The following TRIP12 variants were observed in gnomAD, a reference collection of about 807,000 sequenced individuals.
The protein encoded by TRIP12 is E3 ubiquitin-protein ligase TRIP12.
Under a neutral mutation model 244.2 loss-of-function variants are expected in TRIP12, and 25 were observed. The observed-to-expected ratio is 0.10, with a 90% CI of 0.07 to 0.14. The LOEUF is 0.14. TRIP12 is among the 10% of genes least tolerant of loss of function. The probability of loss-of-function intolerance (pLI) is 1.00; values close to 1 mark genes in which losing one functional copy is unlikely to be tolerated. For synonymous variants in TRIP12, 905 were observed against 873.1 expected (o/e 1.04, Z -0.64); for missense variants, 1,677 against 2,486.4 (o/e 0.67, Z 6.92).
intron 4 of TRIP12, among the ~76,000 whole-genome samples, chr2:229,849,368 T>C (rs964602149): frequency 9.9e-5 from 15 of 152,064 alleles, no homozygotes; most frequent in African/African-American, 3.6e-4. Flanking sequence ...AGTATGTGTT[T>C]GGTAGGTGAA....
chr2:229,844,249 TCATTA>T (rs1384663018), intron 4 of TRIP12, among the ~76,000 whole-genome samples: 3 of 152,206 alleles, frequency 2.0e-5, no homozygotes, highest in African/African-American at 7.2e-5. Flanking sequence ...AATGTACTTC[TCATTA>T]CATTAGACTA....
intron 24 of TRIP12, among the ~76,000 whole-genome samples, chr2:229,797,379 T>C (rs759302304): frequency 6.6e-6 from 1 of 152,156 alleles, no homozygotes; most frequent in Non-Finnish European, 1.5e-5. Flanking sequence ...TCTATACCTA[T>C]AGTTGAGGAT....
intron 1 of TRIP12, among the ~76,000 whole-genome samples, chr2:229,883,334 G>C (rs1452980518): frequency 5.9e-5 from 9 of 152,196 alleles, no homozygotes; most frequent in Admixed American, 5.9e-4. Flanking sequence ...ATGAATTACA[G>C]AATGTTTTCC....
At chr2:229,853,697 T>C (rs542412547) in intron 4 of TRIP12, among the ~76,000 whole-genome samples, 1 of 152,006 alleles carries the variant, frequency 6.6e-6, no homozygotes, top group African/African-American at 2.4e-5. Context: ...CATACATACA[T>C]ACATACATGA....
At position 229,893,850 on chromosome 2, in the gene TRIP12, G is replaced by A. The variant is rs568599390; in HGVS notation, c.-49-13722C>T. 5.3e-5 allele frequency among the ~76,000 whole-genome samples: 8 copies of A among 152,334 alleles called. No individual in the cohort carries two copies. The South Asian group carries it at 1.7e-3, about 32-fold the overall frequency. Reference sequence around the variant, plus strand: ...CTCCTGAGTAGCTGTGAGTATAGGTGTGTGCCGCCATGCCTGGCTTTCCTT... The same window carrying A: ...CTCCTGAGTAGCTGTGAGTATAGGTATGTGCCGCCATGCCTGGCTTTCCTT... On this transcript the variant is annotated intron_variant, in intron 1 of 41. Coordinates refer to ENST00000675903, the MANE Select transcript of TRIP12 (RefSeq NM_001348323.3).
At chr2:229,815,361 G>A in intron 9 of TRIP12, 53 bp from the exon 10 acceptor site, 1 of 1,079,090 alleles carries the variant, frequency 9.3e-7, no homozygotes, top group Non-Finnish European at 1.3e-6. Flanking sequence ...GAAAATCCTA[G>A]AGGTATTTCT....
chr2:229,800,035 C>A (rs751260847), intron 21 of TRIP12, among the ~76,000 whole-genome samples: 1 of 152,074 alleles, frequency 6.6e-6, no homozygotes, highest in African/African-American at 2.4e-5. Flanking sequence ...TAAAAATAAA[C>A]GGGTAATCAC....
intron 4 of TRIP12, among the ~76,000 whole-genome samples, 182 bp from the exon 5 acceptor site, chr2:229,841,109 A>ACT (rs2056322867): frequency 6.6e-6 from 1 of 152,120 alleles, no homozygotes; most frequent in South Asian, 2.1e-4. Flanking sequence ...GGTACTTGGC[A>ACT]CTCCAGTTCA....
At chr2:229,916,456 G>A (rs1430690239) in intron 1 of TRIP12, among the ~76,000 whole-genome samples, 1 of 152,180 alleles carries the variant, frequency 6.6e-6, no homozygotes, top group African/African-American at 2.4e-5. Context: ...TTGGGAGGCT[G>A]AGGCAGGAGA....
intron 9 of TRIP12, among the ~76,000 whole-genome samples, chr2:229,817,927 A>G (rs1165407307): frequency 6.6e-6 from 1 of 152,132 alleles, no homozygotes; most frequent in African/African-American, 2.4e-5. Flanking sequence ...AAGGATCCAC[A>G]TATATACCAT....
At position 229,811,170 on chromosome 2, in the gene TRIP12, A is replaced by G. The variant is rs2047156750; in HGVS notation, c.2021T>C (p.Phe674Ser). 6.2e-7 allele frequency: 1 copy of G among 1,614,072 alleles called. No individual in the cohort carries two copies. The highest frequency in any genetic ancestry group is 8.5e-7 in the Non-Finnish European group (1 of 1,180,000). ...CTGGAAGTTGTCCACTAGGCGTGCA[A>G]AACAAAGGCAAGTGCTTTCTACTGA... ...KKSVESTCLC[F>S]ARLVDNFQHE... Residue 674 changes from phenylalanine to serine, a missense_variant, in exon 14 of 42, where the codon TTT (phenylalanine) becomes TCT (serine). Physicochemically the swap from Phe to Ser is radical, Grantham distance 155 (BLOSUM62 -2). Transcript: ENST00000675903.
intron 40 of TRIP12, 74 bp from the exon 41 acceptor site, chr2:229,768,793 AC>A: frequency 7.6e-7 from 1 of 1,320,712 alleles, no homozygotes; most frequent in East Asian, 2.5e-5. Flanking sequence ...GCATCGCATC[AC>A]ATGACATAAA....
At chr2:229,787,375 G>C in intron 33 of TRIP12, 130 bp downstream of exon 33, 3 of 911,542 alleles carry the variant, frequency 3.3e-6, no homozygotes, top group Non-Finnish European at 4.7e-6. Flanking sequence ...AGACTGAAAG[G>C]AAAATAGGGC....
At chr2:229,792,862 C>A (rs1309940700) in intron 27 of TRIP12, 111 bp downstream of exon 27, 1 of 1,150,480 alleles carries the variant, frequency 8.7e-7, no homozygotes, top group Non-Finnish European at 1.2e-6. Context: ...TTCCTGCCAT[C>A]TATTTTTTAA....
chr2:229,831,968 G>A (rs2053555775), intron 6 of TRIP12, among the ~76,000 whole-genome samples: 1 of 143,594 alleles, frequency 7.0e-6, no homozygotes, highest in Non-Finnish European at 1.5e-5. Flanking sequence ...TGCACAGATT[G>A]TGACAGAATG....
chr2:229,915,799 T>C (rs944604225), intron 1 of TRIP12, among the ~76,000 whole-genome samples: 1 of 152,002 alleles, frequency 6.6e-6, no homozygotes. Context: ...GCTCAAGCAA[T>C]CCTCTCACCT....
chr2:229,767,331 T>C lies in TRIP12; in HGVS notation c.*223A>G. ...AATAAATGATAATTTAAACAAGAAC[T>C]TGCTAAAGAAACCTCATCACAACAA... On this transcript the variant is annotated 3_prime_UTR_variant, in exon 42 of 42. Coordinates refer to ENST00000675903, the MANE Select transcript of TRIP12 (RefSeq NM_001348323.3). 2.4e-6 allele frequency: 1 copy of C among 410,010 alleles called. No individual in the cohort carries two copies. The highest frequency in any genetic ancestry group is 1.1e-4 in the South Asian group (1 of 9,222). The allele number at this position is 410,010 out of a possible 1,614,324, so 25.4% of individuals were successfully genotyped here. A position where few individuals can be genotyped will look rare whatever the true frequency, so the allele number is the denominator to read the frequency against.
At chr2:229,791,056 T>G in intron 30 of TRIP12, 68 bp downstream of exon 30, 1 of 1,589,448 alleles carries the variant, frequency 6.3e-7, no homozygotes, top group East Asian at 2.2e-5. Context: ...AAATCACTCT[T>G]TGAAAATCAT....
At chr2:229,840,963 T>C (rs775672446) in intron 4 of TRIP12, 36 bp from the exon 5 acceptor site, 7 of 1,418,062 alleles carry the variant, frequency 4.9e-6, no homozygotes, top group Non-Finnish European at 5.8e-6. Flanking sequence ...AATTTTATAA[T>C]GAGAAATTAT....
Sources: gnomAD v4.1 joint callset for allele counts (sites outside exome capture counted in the v4.1 genomes callset) on GRCh38, gnomAD v4.1.1 for gene constraint, MANE v1.5 for transcripts, NCBI Gene and HGNC (gene_info 2026-07-23, HGNC 2026-07-21) for gene names.